Variants in ZNF609 observed in about 807,000 individuals in gnomAD.
The protein encoded by ZNF609 is zinc finger protein 609.
ZNF609 carries 11 observed loss-of-function variants against 109.5 expected under a neutral mutation model. The ratio of observed to expected loss-of-function variants is 0.10; its 90% CI spans 0.06 to 0.17. The LOEUF (loss-of-function observed/expected upper bound fraction) is 0.17, where lower values mean the gene tolerates loss of function less well. Ranked by LOEUF, ZNF609 falls within the 10% of genes least tolerant of loss-of-function variation. ZNF609 has a pLI of 1.00. For missense variants in ZNF609, 1,559 were observed against 1,772.4 expected (o/e 0.88, Z 2.16); for synonymous variants, 646 against 662.0 (o/e 0.98, Z 0.37).
chr15:64,582,745 G>T (rs1360532808), intron 2 of ZNF609, among the ~76,000 whole-genome samples: 1 of 67,168 alleles, frequency 1.5e-5, no homozygotes. Context: ...TTTTGAGACA[G>T]AGTCTTTTTT....
intron 2 of ZNF609, among the ~76,000 whole-genome samples, chr15:64,533,454 T>C (rs1038452736): frequency 6.6e-6 from 1 of 152,250 alleles, no homozygotes; most frequent in African/African-American, 2.4e-5. Context: ...GGGAAGATTC[T>C]GTAGTGTTGA....
intron 3 of ZNF609, among the ~76,000 whole-genome samples, chr15:64,666,654 G>A (rs1896653465): frequency 6.6e-6 from 1 of 151,730 alleles, no homozygotes; most frequent in Non-Finnish European, 1.5e-5. Context: ...TGGGACTACA[G>A]GCGCCCACCA....
At chr15:64,570,175 T>C (rs565053040) in intron 2 of ZNF609, among the ~76,000 whole-genome samples, 1 of 152,332 alleles carries the variant, frequency 6.6e-6, no homozygotes, top group African/African-American at 2.4e-5. Context: ...AGAGCTCTCT[T>C]ATTCCCACTT....
chr15:64,477,154 T>G (rs1042081882), intron 1 of ZNF609, among the ~76,000 whole-genome samples: 1 of 148,536 alleles, frequency 6.7e-6, no homozygotes, highest in African/African-American at 2.5e-5. Flanking sequence ...TTTTTTTTTT[T>G]TTTTGAGACG....
In ZNF609 at chr15:64,622,832, G is replaced by C; in HGVS notation, c.753G>C (p.Glu251Asp). ...ACTTTTTCTTCCCTCCACAGATGGA[G>C]TCCCCTGTTTCCACACCAGCAGTGC... ...LLKKVKSEKM[E>D]SPVSTPAVLP... Residue 251 changes from glutamate to aspartate, a missense_variant, in exon 3 of 10, where the codon GAG becomes GAC. Coordinates refer to ENST00000326648, the MANE Select transcript of ZNF609 (RefSeq NM_015042.2). The C allele has an allele frequency of 6.2e-7, 1 of 1,614,148 alleles. No individual in the cohort carries two copies.
chr15:64,490,272 G>GTTT (rs869148522), intron 1 of ZNF609, among the ~76,000 whole-genome samples: 1 of 20,764 alleles, frequency 4.8e-5, no homozygotes, highest in African/African-American at 8.7e-5. Flanking sequence ...GCCAGTAGTT[G>GTTT]TTTTTTTTTT....
chr15:64,650,978 T>C (rs1442307006), intron 3 of ZNF609, among the ~76,000 whole-genome samples: 2 of 152,108 alleles, frequency 1.3e-5, no homozygotes, highest in African/African-American at 4.8e-5. Flanking sequence ...AATTTGGCAG[T>C]CTAGAAAAAG....
chr15:64,641,665 T>G (rs1293388044), intron 3 of ZNF609, among the ~76,000 whole-genome samples: 1 of 151,538 alleles, frequency 6.6e-6, no homozygotes, highest in Non-Finnish European at 1.5e-5. Context: ...TGCTGTACAT[T>G]AGAGTTTGGG....
chr15:64,677,676 C>G (rs1297454445), intron 5 of ZNF609, among the ~76,000 whole-genome samples: 3 of 152,206 alleles, frequency 2.0e-5, no homozygotes, highest in African/African-American at 7.2e-5. Flanking sequence ...AATGTCTTCC[C>G]TTCCCTCTTG....
At chr15:64,539,209 A>T (rs1210511416) in intron 2 of ZNF609, among the ~76,000 whole-genome samples, 2 of 118,824 alleles carry the variant, frequency 1.7e-5, no homozygotes, top group East Asian at 4.7e-4. Context: ...TTTATTTATT[A>T]TTTTTTATTT....
chr15:64,663,275 G>A (rs34059679), intron 3 of ZNF609, among the ~76,000 whole-genome samples: 14,032 of 152,176 alleles, frequency 0.092, 2,020 homozygotes, highest in East Asian at 0.79. Context: ...AAAAAGATTT[G>A]CTGATGGTCA....
chr15:64,545,687 A>G (rs1183053103), intron 2 of ZNF609, among the ~76,000 whole-genome samples: 1 of 152,236 alleles, frequency 6.6e-6, no homozygotes, highest in South Asian at 2.1e-4. Flanking sequence ...CCCTGCCCCC[A>G]TTGCAATCAA....
At chr15:64,582,338 T>C (rs1457915888) in intron 2 of ZNF609, among the ~76,000 whole-genome samples, 2 of 152,186 alleles carry the variant, frequency 1.3e-5, no homozygotes, top group African/African-American at 4.8e-5. Flanking sequence ...CAATTAGAGC[T>C]ACATCTCCTC....
intron 2 of ZNF609, among the ~76,000 whole-genome samples, chr15:64,600,503 G>A (rs1171660076): frequency 6.6e-6 from 1 of 150,950 alleles, no homozygotes; most frequent in African/African-American, 2.4e-5. Context: ...AGGTGTGGTG[G>A]CAGCACGCCT....
intron 2 of ZNF609, among the ~76,000 whole-genome samples, chr15:64,539,337 A>G (rs1047673943): frequency 2.6e-5 from 4 of 151,296 alleles, no homozygotes; most frequent in African/African-American, 9.7e-5. Context: ...CCTCCCAAGT[A>G]GCTGGGACCA....
intron 2 of ZNF609, among the ~76,000 whole-genome samples, chr15:64,605,735 CTTTT>C (rs750562675): frequency 7.4e-6 from 1 of 134,242 alleles, no homozygotes; most frequent in Non-Finnish European, 1.6e-5. Flanking sequence ...CTTTTTCTTT[CTTTT>C]TTTTTTTTTT....
At chr15:64,597,905 C>T (rs1895425002) in intron 2 of ZNF609, among the ~76,000 whole-genome samples, 1 of 152,142 alleles carries the variant, frequency 6.6e-6, no homozygotes. Context: ...CTTCCCTTAC[C>T]TACCCTACCC....
chr15:64,603,626 A>G (rs771976218), intron 2 of ZNF609, among the ~76,000 whole-genome samples: 4 of 151,832 alleles, frequency 2.6e-5, no homozygotes, highest in Admixed American at 6.6e-5. Context: ...CAACCCCTTT[A>G]TGCCAAACTA....
chr15:64,662,007 T>A (rs1313338009), intron 3 of ZNF609, among the ~76,000 whole-genome samples: 1 of 151,214 alleles, frequency 6.6e-6, no homozygotes, highest in African/African-American at 2.5e-5. Context: ...AACTGGGTGG[T>A]CTGACTCAGG....
Sources: gnomAD v4.1 joint callset for allele counts (sites outside exome capture counted in the v4.1 genomes callset) on GRCh38, gnomAD v4.1.1 for gene constraint, MANE v1.5 for transcripts, NCBI Gene and HGNC (gene_info 2026-07-23, HGNC 2026-07-21) for gene names.